The following ABCC4 variants were observed in gnomAD, a reference collection of about 807,000 sequenced individuals.
ABCC4 encodes ATP-binding cassette sub-family C member 4.
ABCC4 carries 102 observed loss-of-function variants against 168.5 expected under a neutral mutation model. The observed-to-expected ratio is 0.61, with a 90% CI of 0.52 to 0.71. The LOEUF (loss-of-function observed/expected upper bound fraction) is 0.71. Ranked by LOEUF, ABCC4 falls within the 30% of genes least tolerant of loss-of-function variation. ABCC4 has a pLI of 0.00. For missense variants in ABCC4, 1,402 were observed against 1,605.8 expected (o/e 0.87, Z 2.17); for synonymous variants, 617 against 590.7 (o/e 1.04, Z -0.65).
rs139178323 is a variant in ABCC4 at position 95,183,862 on chromosome 13, C to T, written c.1545+2839G>A. On this transcript the variant is annotated intron_variant, in intron 11 of 30. Coordinates refer to ENST00000645237, the MANE Select transcript of ABCC4 (RefSeq NM_005845.5). Reference sequence around the variant, plus strand: ...CTGGGAGGCGGAGGTTGCAATGAGGCGAGATTACACCATTAGACTCCAGCC... The same window carrying T: ...CTGGGAGGCGGAGGTTGCAATGAGGTGAGATTACACCATTAGACTCCAGCC... Among the ~76,000 whole-genome samples the T allele has an allele frequency of 1.6e-4, 24 of 152,114 alleles. No individual in the cohort carries two copies. The East Asian group carries it at 3.7e-3, about 23-fold the overall frequency.
chr13:95,175,654 G>A (rs1458610773), intron 13 of ABCC4, among the ~76,000 whole-genome samples: 2 of 152,206 alleles, frequency 1.3e-5, no homozygotes, highest in Non-Finnish European at 2.9e-5. Flanking sequence ...GAGGCCATGA[G>A]GGTGGGCCCT....
At chr13:95,091,884 G>A (rs1175518175) in intron 20 of ABCC4, among the ~76,000 whole-genome samples, 1 of 152,128 alleles carries the variant, frequency 6.6e-6, no homozygotes, top group East Asian at 1.9e-4. Context: ...GTGCAGAATG[G>A]ATAAAAACTC....
At chr13:95,032,914 G>T (rs1377114358) in intron 30 of ABCC4, among the ~76,000 whole-genome samples, 2 of 149,648 alleles carry the variant, frequency 1.3e-5, no homozygotes. Flanking sequence ...CACCCGCCTC[G>T]GCCTCCCAAA....
At chr13:95,260,483 T>C (rs1269761930) in intron 1 of ABCC4, among the ~76,000 whole-genome samples, 4 of 151,640 alleles carry the variant, frequency 2.6e-5, no homozygotes, top group Non-Finnish European at 4.4e-5. Context: ...ATCTGTACGG[T>C]AGAGAGAAGA....
intron 20 of ABCC4, among the ~76,000 whole-genome samples, chr13:95,104,112 T>C (rs1171142802): frequency 6.6e-6 from 1 of 151,924 alleles, no homozygotes; most frequent in Non-Finnish European, 1.5e-5. Flanking sequence ...GTTTTTTTGG[T>C]TTGGGTTTTT....
At chr13:95,282,715 A>G (rs935865690) in intron 1 of ABCC4, among the ~76,000 whole-genome samples, 1 of 151,462 alleles carries the variant, frequency 6.6e-6, no homozygotes. Flanking sequence ...TTGTATTTTT[A>G]GTAGAGACAG....
At chr13:95,199,832 C>T (rs2038573865) in intron 8 of ABCC4, among the ~76,000 whole-genome samples, 2 of 152,114 alleles carry the variant, frequency 1.3e-5, no homozygotes, top group African/African-American at 4.8e-5. Flanking sequence ...ACATAATTAC[C>T]CCCAGGGAAA....
chr13:95,149,680 C>A (rs148358967), intron 19 of ABCC4, among the ~76,000 whole-genome samples: 5 of 152,228 alleles, frequency 3.3e-5, no homozygotes, highest in Admixed American at 6.5e-5. Flanking sequence ...CTGATCAAGG[C>A]GTGTGGAATT....
intron 30 of ABCC4, 80 bp downstream of exon 30, chr13:95,034,518 GTGCTTGT>G: frequency 3.3e-6 from 5 of 1,501,644 alleles, no homozygotes; most frequent in Admixed American, 4.5e-5. Flanking sequence ...AGGGTACACA[GTGCTTGT>G]TACCATACCC....
rs749453430 is a variant in ABCC4 at position 95,074,202 on chromosome 13, A to T, written c.2917+12T>A. On this transcript the variant is annotated intron_variant, in intron 23 of 30. Transcript: ENST00000645237. ...AATCATACCATACATAGTTATTCACATCTGTACTTACTTTTTGCCAGAATC... is the reference window on the plus strand; with the variant it reads ...AATCATACCATACATAGTTATTCACTTCTGTACTTACTTTTTGCCAGAATC... 1 of 1,587,326 alleles carries T rather than the reference A, an allele frequency of 6.3e-7. No individual in the cohort carries two copies. Among genetic ancestry groups the T allele is most frequent in the Non-Finnish European group, 8.6e-7 (1 of 1,157,666 alleles).
intron 13 of ABCC4, among the ~76,000 whole-genome samples, chr13:95,176,244 G>GGGGGGGGGGGT (rs1317252304): frequency 2.2e-5 from 1 of 44,960 alleles, no homozygotes; most frequent in Non-Finnish European, 5.0e-5. Context: ...GGGGGGGGGG[G>GGGGGGGGGGGT]GTGGATCCCT....
intron 29 of ABCC4, among the ~76,000 whole-genome samples, chr13:95,042,092 G>T (rs1283355102): frequency 6.6e-6 from 1 of 152,170 alleles, no homozygotes; most frequent in African/African-American, 2.4e-5. Flanking sequence ...CACTAATGGA[G>T]TTGGGAGTGA....
intron 21 of ABCC4, among the ~76,000 whole-genome samples, chr13:95,077,711 G>A (rs1389496144): frequency 6.6e-6 from 1 of 152,052 alleles, no homozygotes. Flanking sequence ...AAGGGGCGGA[G>A]GGAGTGGAAA....
chr13:95,081,851 A>G (rs1415980971), intron 21 of ABCC4, among the ~76,000 whole-genome samples: 1 of 151,994 alleles, frequency 6.6e-6, no homozygotes, highest in Non-Finnish European at 1.5e-5. Flanking sequence ...TAATATGAAA[A>G]TAGTGAGGTG....
chr13:95,265,450 G>A (rs1484686843), intron 1 of ABCC4, among the ~76,000 whole-genome samples: 1 of 151,882 alleles, frequency 6.6e-6, no homozygotes, highest in Non-Finnish European at 1.5e-5. Context: ...AAGATTAAAA[G>A]TATAAAAATA....
chr13:95,219,543 G>A (rs1594323337), intron 4 of ABCC4, among the ~76,000 whole-genome samples: 1 of 152,294 alleles, frequency 6.6e-6, no homozygotes. Context: ...ACAGGGTCTT[G>A]CTCTTTTTGC....
intron 29 of ABCC4, 186 bp downstream of exon 29, chr13:95,043,496 T>TA: frequency 2.0e-6 from 1 of 492,340 alleles, no homozygotes; most frequent in Non-Finnish European, 3.6e-6. Context: ...TGCAAAGAGA[T>TA]ACATTGGATA....
intron 20 of ABCC4, among the ~76,000 whole-genome samples, chr13:95,103,879 G>A (rs1479349656): frequency 6.6e-6 from 1 of 152,080 alleles, no homozygotes; most frequent in African/African-American, 2.4e-5. Flanking sequence ...TCCTGATGCA[G>A]CTATTCCACA....
chr13:95,290,872 C>T (rs918399103), intron 1 of ABCC4, among the ~76,000 whole-genome samples: 1 of 108,174 alleles, frequency 9.2e-6, no homozygotes, highest in Non-Finnish European at 2.1e-5. Flanking sequence ...TGGCAAGCAC[C>T]TGTAATCCCA....
Sources: gnomAD v4.1 joint callset for allele counts (sites outside exome capture counted in the v4.1 genomes callset) on GRCh38, gnomAD v4.1.1 for gene constraint, MANE v1.5 for transcripts, NCBI Gene and HGNC (gene_info 2026-07-23, HGNC 2026-07-21) for gene names.